The following SARDH variants were observed in gnomAD, a reference collection of about 807,000 sequenced individuals.
SARDH encodes the protein sarcosine dehydrogenase.
In SARDH, 95 loss-of-function variants were observed where a neutral mutation model predicts 109.1. The observed-to-expected ratio is 0.87, with a 90% CI of 0.74 to 1.03. SARDH has a LOEUF of 1.03. Among genes scored for constraint, SARDH ranks in the 50% least tolerant of loss-of-function variants. The probability of loss-of-function intolerance (pLI) is 0.00; values close to 1 mark genes in which losing one functional copy is unlikely to be tolerated. For missense variants in SARDH, 1,267 were observed against 1,287.8 expected, an observed-to-expected ratio of 0.98 and a Z score of 0.25; for synonymous variants, 572 against 534.8, an observed-to-expected ratio of 1.07 and a Z score of -0.96.
Position 133,734,017 on chromosome 9 carries a change from A to C in SARDH, c.157T>G (p.Ser53Ala), listed in dbSNP as rs1469640194. 1.2e-6 allele frequency: 2 copies of C among 1,613,166 alleles called. No individual in the cohort carries two copies. Among genetic ancestry groups the C allele is most frequent in the South Asian group, 1.1e-5 (1 of 91,066 alleles). ...CGGCTTGGGCCTTGGGCCACCACCGAGGTGCCCTGTCCCTCCTTCAGGGTC... is the reference window on the plus strand; with the variant it reads ...CGGCTTGGGCCTTGGGCCACCACCGCGGTGCCCTGTCCCTCCTTCAGGGTC... The part of the protein sequence containing the change: ...QRTLKEGQGT[S>A]VVAQGPSRPL... The change falls in exon 2 of 21, where the codon TCG (serine) becomes GCG (alanine). Residue 53 changes from serine to alanine, a missense_variant. Physicochemically the swap from Ser to Ala is moderately conservative, Grantham distance 99. Transcript: ENST00000439388.
chr9:133,659,841 G>A (rs1207291843), downstream of SARDH, among the ~76,000 whole-genome samples: 4 of 152,136 alleles, frequency 2.6e-5, no homozygotes, highest in South Asian at 2.1e-4. Context: ...CAGTAGACAC[G>A]GAGCAGGCCC....
At position 133,663,774 on chromosome 9, in the gene SARDH, G is replaced by T; in HGVS notation, c.*115C>A. Reference sequence around the variant, plus strand: ...GGGGTTTTCGCAGGACTAGGCCTAGGCTAAGGACAGGGAGGGCACAAGTTC... The same window carrying T: ...GGGGTTTTCGCAGGACTAGGCCTAGTCTAAGGACAGGGAGGGCACAAGTTC... On this transcript the variant is annotated 3_prime_UTR_variant, in exon 21 of 21. Transcript: ENST00000439388. 1 of 1,449,090 alleles carries T rather than the reference G, an allele frequency of 6.9e-7. No homozygotes were observed. The highest frequency in any genetic ancestry group is 9.4e-7 in the Non-Finnish European group (1 of 1,058,432). 89.8% of individuals were successfully genotyped at this position (1,449,090 alleles called of 1,614,324 possible).
At position 133,666,827 on chromosome 9, in the gene SARDH, G is replaced by A; in HGVS notation, c.2539C>T (p.Gln847Ter). ...GCCCTCCGGACATGGCCCACCACTT[G>A]GCCGTTCCTCCAGATGGCCTCCAGG... Reference protein sequence around the residue: ...FGLEAIWRNGQVVGHVRRADF... With the variant: ...FGLEAIWRNG The change falls in exon 20 of 21, where the codon CAA becomes TAA. Residue 847 changes from glutamine to a stop codon, truncating the protein, a stop_gained. Transcript: ENST00000439388. LOFTEE classifies it high-confidence loss of function. The surrounding 1 kb of genome is among the most constrained non-coding windows in gnomAD (Gnocchi z 5.2). 1 of 1,610,624 alleles carries A rather than the reference G, an allele frequency of 6.2e-7. No individual in the cohort carries two copies. The highest frequency in any genetic ancestry group is 1.7e-4 in the Middle Eastern group (1 of 6,058).
Position 133,712,875 on chromosome 9 carries a change from G to A in SARDH, c.1237+163C>T. On this transcript the variant is annotated intron_variant, in intron 9 of 20. Transcript: ENST00000439388. This position sits in a 1 kb window ranked among gnomAD's most constrained non-coding sequence, Gnocchi z 4.1. Reference sequence around the variant, plus strand: ...TGGACTGCTGCTGGACTGGACCCTGGCACAGGTGCACTCTCTGGGAAGCAG... The same window carrying A: ...TGGACTGCTGCTGGACTGGACCCTGACACAGGTGCACTCTCTGGGAAGCAG... 1 of 920,012 alleles carries A rather than the reference G, an allele frequency of 1.1e-6. No homozygotes were observed. Among genetic ancestry groups the A allele is most frequent in the Non-Finnish European group, 1.7e-6 (1 of 600,574 alleles). 57.0% of individuals were successfully genotyped at this position (920,012 alleles called of 1,614,324 possible). A position where few individuals can be genotyped will look rare whatever the true frequency, so the allele number is the denominator to read the frequency against.
intron 6 of SARDH, among the ~76,000 whole-genome samples, chr9:133,726,096 G>A (rs577330729): frequency 2.0e-4 from 30 of 151,956 alleles, no homozygotes; most frequent in African/African-American, 7.0e-4. Flanking sequence ...AATCACAGCC[G>A]GGCAAGGTGG....
At chr9:133,736,390 G>GTTTGT (rs35126944) in intron 1 of SARDH, among the ~76,000 whole-genome samples, 45,883 of 150,176 alleles carry the variant, frequency 0.31, 7,336 homozygotes, top group African/African-American at 0.41. Flanking sequence ...TGTTGTTGTT[G>GTTTGT]TTGTTTGTTT....
chr9:133,696,306 T>C lies in SARDH; in HGVS notation c.1724A>G (p.Tyr575Cys), dbSNP rs766966515. The C allele has an allele frequency of 1.9e-6, 3 of 1,614,136 alleles. No individual in the cohort carries two copies. The East Asian group carries it at 6.7e-5, about 36-fold the overall frequency. Residue 575 changes from tyrosine to cysteine, a missense_variant, in exon 14 of 21, where the codon TAC becomes TGC. Tyr to Cys is a radical substitution (Grantham distance 194, BLOSUM62 -2). Coordinates refer to ENST00000439388, the MANE Select transcript of SARDH (RefSeq NM_001134707.2). Reference sequence around the variant, plus strand: ...CCCCACCAGGTAGAACTTCCCGAAGTAGGACATGTCAAACACAGCGGCGGC... The same window carrying C: ...CCCCACCAGGTAGAACTTCCCGAAGCAGGACATGTCAAACACAGCGGCGGC... Reference protein sequence around the residue: ...RGAAAVFDMSYFGKFYLVGLD... With the variant: ...RGAAAVFDMSCFGKFYLVGLD...
At chr9:133,680,695 C>T (rs1267463249) in intron 17 of SARDH, among the ~76,000 whole-genome samples, 1 of 152,234 alleles carries the variant, frequency 6.6e-6, no homozygotes, top group Non-Finnish European at 1.5e-5. Context: ...CCACCGGCCA[C>T]CCAGCAACTT....
chr9:133,659,809 G>C (rs1832388736), downstream of SARDH, among the ~76,000 whole-genome samples: 1 of 152,150 alleles, frequency 6.6e-6, no homozygotes, highest in Non-Finnish European at 1.5e-5. Context: ...CCGGCCCTCT[G>C]TCATCTTTAC....
At chr9:133,687,008 T>C (rs569723333) in intron 16 of SARDH, among the ~76,000 whole-genome samples, 52 of 152,300 alleles carry the variant, frequency 3.4e-4, no homozygotes, top group African/African-American at 1.2e-3. Flanking sequence ...ACCCAGGCTA[T>C]GGGCTCAGCA....
chr9:133,684,755 C>A (rs574471723), intron 17 of SARDH, among the ~76,000 whole-genome samples: 8 of 152,338 alleles, frequency 5.3e-5, no homozygotes, highest in Non-Finnish European at 1.0e-4. Context: ...CCTCCTCCCA[C>A]GCCCACAATG....
intron 17 of SARDH, among the ~76,000 whole-genome samples, chr9:133,683,115 A>ACCTGG (rs1294242185): frequency 6.6e-6 from 1 of 152,118 alleles, no homozygotes; most frequent in Non-Finnish European, 1.5e-5. Flanking sequence ...CTCAGCAAGC[A>ACCTGG]CCTGGCCTGG....
At chr9:133,677,059 A>AG (rs1284108247) in intron 17 of SARDH, among the ~76,000 whole-genome samples, 23 of 152,098 alleles carry the variant, frequency 1.5e-4, no homozygotes, top group Non-Finnish European at 2.8e-4. Context: ...GAATTGGTTG[A>AG]ACCTGAGAGG....
chr9:133,690,412 G>T lies in SARDH; in HGVS notation c.2037C>A (p.Asp679Glu). Residue 679 changes from aspartate (D) to glutamate (E), a missense_variant, in exon 16 of 21, where the codon GAC becomes GAA. Asp to Glu is a conservative substitution (Grantham distance 45). Transcript: ENST00000439388. ...SQCQLIDSSEDLGMISIQGPA... is the reference protein window; with the variant it reads ...SQCQLIDSSEELGMISIQGPA... ...GGCCCTGGATACTGATCATACCCAGGTCCTCGGAGCTGTCGATGAGCTGGC... is the reference window on the plus strand; with the variant it reads ...GGCCCTGGATACTGATCATACCCAGTTCCTCGGAGCTGTCGATGAGCTGGC... 1 of 1,613,236 alleles carries T rather than the reference G, an allele frequency of 6.2e-7. No homozygotes were observed.
At chr9:133,685,053 TCCC>T (rs1243881990) in intron 17 of SARDH, 137 bp downstream of exon 17, 2 of 657,178 alleles carry the variant, frequency 3.0e-6, no homozygotes, top group Middle Eastern at 4.1e-4. Context: ...GGTCCCACTG[TCCC>T]CCCTTCACAG....
At chr9:133,725,823 T>C (rs1832471555) in intron 6 of SARDH, among the ~76,000 whole-genome samples, 1 of 152,202 alleles carries the variant, frequency 6.6e-6, no homozygotes, top group Non-Finnish European at 1.5e-5. Flanking sequence ...TGGACTCCTC[T>C]GTACCCGAGG....
chr9:133,717,335 A>G lies in SARDH; in HGVS notation c.1141T>C (p.Cys381Arg), dbSNP rs1447759509. The G allele has an allele frequency of 6.2e-7, 1 of 1,614,006 alleles. No homozygotes were observed. The highest frequency in any genetic ancestry group is 8.5e-7 in the Non-Finnish European group (1 of 1,179,940). Residue 381 changes from cysteine to arginine, a missense_variant, in exon 8 of 21, where the codon TGC (cysteine) becomes CGC (arginine). By Grantham distance (180) the Cys-to-Arg change is radical. Transcript: ENST00000439388. Reference protein sequence around the residue: ...LEKTGIKSTVCGPESFTPDHK... With the variant: ...LEKTGIKSTVRGPESFTPDHK... ...CGAGGCTGTCACTCACCAGGGCCGC[A>G]GACCGTGGACTTGATTCCTGTCTTC...
At chr9:133,672,193 C>T (rs1003213152) in intron 17 of SARDH, among the ~76,000 whole-genome samples, 2 of 152,182 alleles carry the variant, frequency 1.3e-5, no homozygotes, top group African/African-American at 4.8e-5. Flanking sequence ...TGCACCACTG[C>T]GATTTCTGCC....
intron 19 of SARDH, among the ~76,000 whole-genome samples, chr9:133,669,679 C>T (rs923480001): frequency 1.3e-5 from 2 of 152,218 alleles, no homozygotes; most frequent in Middle Eastern, 3.2e-3. Flanking sequence ...GGCAGAGTCT[C>T]TCCTTCCACC....
Sources: gnomAD v4.1 joint callset for allele counts (sites outside exome capture counted in the v4.1 genomes callset) on GRCh38, gnomAD v4.1.1 for gene constraint, Gnocchi (gnomAD v3.1) non-coding constraint, MANE v1.5 for transcripts, NCBI Gene and HGNC (gene_info 2026-07-23, HGNC 2026-07-21) for gene names.